The following TCF4 variants were observed in gnomAD, a reference collection of about 807,000 sequenced individuals.
The protein encoded by TCF4 is SL3-3 enhancer factor 2.
Under a neutral mutation model 82.1 loss-of-function variants are expected in TCF4, and 3 were observed. The ratio of observed to expected loss-of-function variants is 0.04; its 90% CI spans 0.02 to 0.09. The LOEUF is 0.09. Among genes scored for constraint, TCF4 ranks in the 10% least tolerant of loss-of-function variants. The pLI is 1.00. For missense variants in TCF4, 518 were observed against 852.7 expected (o/e 0.61, Z 4.89); for synonymous variants, 276 against 309.6 (o/e 0.89, Z 1.14).
chr18:55,428,177 T>G (rs770180171), intron 5 of TCF4, among the ~76,000 whole-genome samples: 8 of 152,168 alleles, frequency 5.3e-5, no homozygotes, highest in Non-Finnish European at 7.4e-5. Flanking sequence ...CTCATCTTCC[T>G]TGATGACCAA....
At chr18:55,505,731 G>A (rs2096750212) in intron 3 of TCF4, among the ~76,000 whole-genome samples, 2 of 149,998 alleles carry the variant, frequency 1.3e-5, no homozygotes, top group Admixed American at 1.3e-4. Flanking sequence ...GTGAACCCGG[G>A]AGGCGGAGCT....
At chr18:55,282,826 T>C (rs1250435483) in intron 8 of TCF4, among the ~76,000 whole-genome samples, 1 of 152,024 alleles carries the variant, frequency 6.6e-6, no homozygotes, top group Non-Finnish European at 1.5e-5. Context: ...GAAACAAATA[T>C]CTATCCTTGA....
intron 6 of TCF4, among the ~76,000 whole-genome samples, chr18:55,365,146 C>T (rs1261289028): frequency 9.1e-6 from 1 of 110,172 alleles, no homozygotes; most frequent in Non-Finnish European, 1.8e-5. Flanking sequence ...GTGTGAGACT[C>T]CATCTCCAAA....
intron 10 of TCF4, among the ~76,000 whole-genome samples, chr18:55,272,003 G>T (rs953636510): frequency 2.0e-5 from 3 of 151,848 alleles, no homozygotes; most frequent in Non-Finnish European, 4.4e-5. Flanking sequence ...AAGAGGAGAA[G>T]AATTATAAAT....
At chr18:55,467,295 C>A (rs540353188) in intron 3 of TCF4, among the ~76,000 whole-genome samples, 21 of 152,232 alleles carry the variant, frequency 1.4e-4, no homozygotes, top group African/African-American at 5.1e-4. Context: ...CTTTGTCAGG[C>A]CTGCCCCTTA....
intron 15 of TCF4, among the ~76,000 whole-genome samples, chr18:55,242,926 T>G (rs2051784310): frequency 6.6e-6 from 1 of 152,124 alleles, no homozygotes; most frequent in Non-Finnish European, 1.5e-5. Flanking sequence ...GATATTTTAA[T>G]GATGGGATAA....
chr18:55,551,673 T>A (rs761213307), intron 3 of TCF4: 19 of 152,322 alleles, frequency 1.2e-4, no homozygotes, highest in Admixed American at 3.9e-4. Context: ...CTCCTGCACA[T>A]GGATTATTCC....
At chr18:55,566,667 G>T (rs2097410324) in intron 3 of TCF4, among the ~76,000 whole-genome samples, 2 of 152,138 alleles carry the variant, frequency 1.3e-5, no homozygotes, top group Admixed American at 1.3e-4. Context: ...TGGAAGATGG[G>T]TCTAAAGAAA....
At chr18:55,331,808 T>C (rs948962886) in intron 8 of TCF4, among the ~76,000 whole-genome samples, 65 of 152,354 alleles carry the variant, frequency 4.3e-4, no homozygotes, top group African/African-American at 1.4e-3. Flanking sequence ...TAGATTATAA[T>C]CTGCTGAGGA....
At chr18:55,480,608 G>A (rs965558677) in intron 3 of TCF4, among the ~76,000 whole-genome samples, 6 of 152,164 alleles carry the variant, frequency 3.9e-5, no homozygotes. Context: ...ATTAACCTAA[G>A]GGAATAAACT....
At chr18:55,383,731 A>G (rs1322741415) in intron 6 of TCF4, among the ~76,000 whole-genome samples, 2 of 152,248 alleles carry the variant, frequency 1.3e-5, no homozygotes, top group African/African-American at 4.8e-5. Flanking sequence ...AGATTCTGGA[A>G]TCTTACGCTA....
In TCF4 at chr18:55,292,016, A is replaced by G. The variant is rs192402651; in HGVS notation, c.550-12360T>C. 5.7e-3 allele frequency among the ~76,000 whole-genome samples: 866 copies of G among 152,296 alleles called. 9 individuals are homozygous for G. The highest frequency in any genetic ancestry group is 0.02 in the African/African-American group (816 of 41,560). On this transcript the variant is annotated intron_variant, in intron 8 of 19. Transcript: ENST00000354452. Reference sequence around the variant, plus strand: ...TAAAGGAGGTGAAAGATGAATTAAGAAGGGCAATAATATTCCTGAGATAGG... The same window carrying G: ...TAAAGGAGGTGAAAGATGAATTAAGGAGGGCAATAATATTCCTGAGATAGG...
At chr18:55,390,217 C>T (rs565223132) in intron 6 of TCF4, among the ~76,000 whole-genome samples, 1 of 145,374 alleles carries the variant, frequency 6.9e-6, no homozygotes, top group East Asian at 2.0e-4. Flanking sequence ...TTTGGGAGGC[C>T]AAGGTGGGAG....
chr18:55,324,360 T>C (rs1200889290), intron 8 of TCF4, among the ~76,000 whole-genome samples: 1 of 152,224 alleles, frequency 6.6e-6, no homozygotes, highest in Non-Finnish European at 1.5e-5. Context: ...ATCACAGAAC[T>C]CAAGTCAGTG....
rs117789202 is a variant in TCF4 at position 55,618,166 on chromosome 18, T to A, written c.286+13132A>T. 3.5e-3 allele frequency among the ~76,000 whole-genome samples: 527 copies of A among 152,286 alleles called. 4 individuals carry two copies. The highest frequency in any genetic ancestry group is 6.5e-3 in the Non-Finnish European group (441 of 68,006). ...GAGTATAATTATAGCGTTCATTATA[T>A]TACAAAAGTTTTGAATTTCATCAAA... On this transcript the variant is annotated intron_variant, in intron 2 of 20. Transcript: ENST00000398339.
chr18:55,234,985 T>C (rs910833057), intron 15 of TCF4, among the ~76,000 whole-genome samples: 1 of 152,200 alleles, frequency 6.6e-6, no homozygotes, highest in African/African-American at 2.4e-5. Context: ...CCCATCTGTC[T>C]TCTATCATGT....
In TCF4 at chr18:55,492,519, T is replaced by C. The variant is rs146249153; in HGVS notation, c.146-28382A>G. On this transcript the variant is annotated intron_variant, in intron 3 of 19. Coordinates refer to ENST00000354452, the MANE Select transcript of TCF4 (RefSeq NM_001083962.2). The stretch of plus-strand genomic sequence containing the variant: ...GAAGCTTCTAAAAACATAATTAATA[T>C]GTTCTTTTTAACAAATATTCTACAC... 1.4e-3 allele frequency among the ~76,000 whole-genome samples: 219 copies of C among 152,320 alleles called. 2 individuals carry two copies. The highest frequency in any genetic ancestry group is 5.0e-3 in the African/African-American group (209 of 41,580).
chr18:55,526,187 C>T (rs957485254), intron 3 of TCF4, among the ~76,000 whole-genome samples: 1 of 152,160 alleles, frequency 6.6e-6, no homozygotes, highest in African/African-American at 2.4e-5. Flanking sequence ...TGCCCCACTT[C>T]AGGAAACAAA....
chr18:55,252,675 A>C (rs4800988), intron 15 of TCF4, among the ~76,000 whole-genome samples: 1 of 152,018 alleles, frequency 6.6e-6, no homozygotes, highest in South Asian at 2.1e-4. Context: ...TGGAAAAAAT[A>C]GTCTCTGAAG....
Sources: gnomAD v4.1 joint callset for allele counts (sites outside exome capture counted in the v4.1 genomes callset) on GRCh38, gnomAD v4.1.1 for gene constraint, MANE v1.5 for transcripts, NCBI Gene and HGNC (gene_info 2026-07-23, HGNC 2026-07-21) for gene names.